HDAC9: variants seen among roughly 807,000 people sequenced by gnomAD.
HDAC9 encodes MEF-2 interacting transcription repressor (MITR) protein.
A neutral mutation model predicts 139.4 loss-of-function variants in HDAC9; 41 were observed. The observed-to-expected ratio is 0.29, with a 90% CI of 0.23 to 0.38. The LOEUF is 0.38. HDAC9 is among the 10% of genes least tolerant of loss of function. The pLI is 1.00. For synonymous variants in HDAC9, 517 were observed against 476.2 expected, an observed-to-expected ratio of 1.09 and a Z score of -1.12; for missense variants, 1,147 against 1,297.0, an observed-to-expected ratio of 0.88 and a Z score of 1.78.
chr7:18,883,537 C>A (rs549343046), intron 22 of HDAC9, among the ~76,000 whole-genome samples: 1 of 151,888 alleles, frequency 6.6e-6, no homozygotes, highest in East Asian at 1.9e-4. Flanking sequence ...AGGAATGTAC[C>A]TCAACAAAAT....
chr7:18,704,848 AAATTG>A (rs1783761758), intron 12 of HDAC9, among the ~76,000 whole-genome samples: 1 of 152,186 alleles, frequency 6.6e-6, no homozygotes. Context: ...AAAGAAGAGG[AAATTG>A]AAGTAAAACA....
chr7:18,108,426 C>T (rs1246936408), intron 1 of HDAC9, among the ~76,000 whole-genome samples: 1 of 152,146 alleles, frequency 6.6e-6, no homozygotes, highest in Non-Finnish European at 1.5e-5. Flanking sequence ...TAAGTACCTA[C>T]TGTGTGTAAA....
chr7:18,179,682 A>G (rs980574589), intron 2 of HDAC9, among the ~76,000 whole-genome samples: 9 of 152,222 alleles, frequency 5.9e-5, no homozygotes, highest in Admixed American at 3.9e-4. Flanking sequence ...AAATTATACA[A>G]ATGCATATTT....
intron 13 of HDAC9, among the ~76,000 whole-genome samples, chr7:18,738,789 G>C (rs1361472820): frequency 1.3e-5 from 2 of 152,180 alleles, no homozygotes; most frequent in African/African-American, 4.8e-5. Context: ...TGTACTTCCT[G>C]AATTTGAATG....
intron 22 of HDAC9, among the ~76,000 whole-genome samples, chr7:18,893,320 C>G (rs1199022160): frequency 6.6e-6 from 1 of 152,098 alleles, no homozygotes; most frequent in African/African-American, 2.4e-5. Flanking sequence ...ATAACATAAC[C>G]TTCGCTCTCC....
At chr7:18,943,647 T>C (rs1254144050) in intron 23 of HDAC9, among the ~76,000 whole-genome samples, 1 of 152,096 alleles carries the variant, frequency 6.6e-6, no homozygotes, top group African/African-American at 2.4e-5. Context: ...TGGACAAAAC[T>C]CAGTTAATAG....
intron 17 of HDAC9, among the ~76,000 whole-genome samples, chr7:18,810,019 A>G (rs575282919): frequency 6.6e-6 from 1 of 152,102 alleles, no homozygotes; most frequent in Non-Finnish European, 1.5e-5. Flanking sequence ...TATACATACA[A>G]TGGAATCTTA....
intron 6 of HDAC9, among the ~76,000 whole-genome samples, chr7:18,615,076 T>TAA: frequency 6.6e-6 from 1 of 152,320 alleles, no homozygotes; most frequent in Admixed American, 6.5e-5. Flanking sequence ...AGTGTCTTAT[T>TAA]GAGTTATGGT....
intron 22 of HDAC9, among the ~76,000 whole-genome samples, chr7:18,887,587 T>C (rs1426767470): frequency 6.6e-6 from 1 of 152,164 alleles, no homozygotes; most frequent in East Asian, 1.9e-4. Context: ...ACTCTACATA[T>C]AATAACGTAT....
chr7:18,995,517 A>G (rs906543299), intron 25 of HDAC9, among the ~76,000 whole-genome samples: 6 of 152,210 alleles, frequency 3.9e-5, no homozygotes, highest in Non-Finnish European at 8.8e-5. Flanking sequence ...TTGGGTCTGT[A>G]GCAACAATTT....
intron 1 of HDAC9, among the ~76,000 whole-genome samples, chr7:18,323,634 G>A (rs1022383256): frequency 6.6e-6 from 1 of 152,058 alleles, no homozygotes; most frequent in African/African-American, 2.4e-5. Context: ...CTAAGTTTTG[G>A]GGATCAACAA....
At chr7:18,560,259 A>G (rs1324810463) in intron 2 of HDAC9, among the ~76,000 whole-genome samples, 1 of 152,174 alleles carries the variant, frequency 6.6e-6, no homozygotes, top group Non-Finnish European at 1.5e-5. Context: ...CTGCTATTCT[A>G]CCTGTGAGTT....
intron 8 of HDAC9, among the ~76,000 whole-genome samples, chr7:18,639,159 T>G (rs73067073): frequency 2.0e-5 from 3 of 152,194 alleles, no homozygotes; most frequent in South Asian, 2.1e-4. Flanking sequence ...TCTAAAATCA[T>G]CTGTAATGTC....
At chr7:18,152,648 G>T (rs766059930) in intron 1 of HDAC9, among the ~76,000 whole-genome samples, 8 of 152,114 alleles carry the variant, frequency 5.3e-5, no homozygotes, top group Non-Finnish European at 1.2e-4. Flanking sequence ...TGAAATCTGG[G>T]AGACAGGAGC....
intron 2 of HDAC9, among the ~76,000 whole-genome samples, chr7:18,240,506 G>A (rs1296508505): frequency 6.6e-6 from 1 of 152,070 alleles, no homozygotes; most frequent in Admixed American, 6.6e-5. Context: ...CAAACAGCTG[G>A]TAAGAGAATT....
intron 2 of HDAC9, among the ~76,000 whole-genome samples, chr7:18,582,389 G>C (rs1828088976): frequency 6.6e-6 from 1 of 152,102 alleles, no homozygotes; most frequent in Non-Finnish European, 1.5e-5. Context: ...AACCGTGGTA[G>C]AATATGTGCT....
chr7:18,783,075 C>T (rs938449331), intron 16 of HDAC9, among the ~76,000 whole-genome samples: 1 of 152,180 alleles, frequency 6.6e-6, no homozygotes, highest in African/African-American at 2.4e-5. Context: ...TAAAGCCTAA[C>T]AATTTCTCGA....
chr7:18,704,531 T>A (rs1201071690), intron 12 of HDAC9, among the ~76,000 whole-genome samples: 1 of 152,212 alleles, frequency 6.6e-6, no homozygotes, highest in East Asian at 1.9e-4. Context: ...GTCATATCCT[T>A]AAGTCACAAA....
At chr7:18,524,173 G>A (rs967450195) in intron 2 of HDAC9, among the ~76,000 whole-genome samples, 1 of 152,134 alleles carries the variant, frequency 6.6e-6, no homozygotes, top group Non-Finnish European at 1.5e-5. Flanking sequence ...TACACAGATA[G>A]CATCTATTTA....
Sources: gnomAD v4.1 joint callset for allele counts (sites outside exome capture counted in the v4.1 genomes callset) on GRCh38, gnomAD v4.1.1 for gene constraint, MANE v1.5 for transcripts, NCBI Gene and HGNC (gene_info 2026-07-23, HGNC 2026-07-21) for gene names.